The following ZC3H12B variants were observed in gnomAD, a reference collection of about 807,000 sequenced individuals.
ZC3H12B encodes probable ribonuclease ZC3H12B.
Under a neutral mutation model 43.9 loss-of-function variants are expected in ZC3H12B, and 7 were observed. That is an observed-to-expected ratio of 0.16 (90% CI 0.09 to 0.30). The LOEUF (loss-of-function observed/expected upper bound fraction) is 0.30. ZC3H12B is among the 10% of genes least tolerant of loss of function. ZC3H12B has a pLI of 1.00. For synonymous variants in ZC3H12B, 222 were observed against 241.7 expected (o/e 0.92, Z 0.76); for missense variants, 475 against 670.2 (o/e 0.71, Z 3.22).
At chrX:65,489,296 T>C (rs763223885) in exon 1 of ZC3H12B, 54 of 1,209,721 alleles carry the variant, frequency 4.5e-5, no homozygotes, top group Non-Finnish European at 5.6e-5. Context: ...TGTTAGTGCC[T>C]CGTGGGCCCA....
the ZC3H12B span, among the ~76,000 whole-genome samples, chrX:65,057,564 G>T: frequency 1.8e-5 from 2 of 110,928 alleles, no homozygotes; most frequent in Non-Finnish European, 3.8e-5. Context: ...ATCTGTCTTG[G>T]AGTTGCTCTT....
chrX:65,396,041 T>C (rs1408645308), intron 2 of ZC3H12B, among the ~76,000 whole-genome samples: 2 of 111,769 alleles, frequency 1.8e-5, no homozygotes, highest in Non-Finnish European at 3.8e-5. Flanking sequence ...ATATCCCCTT[T>C]ATCATTTTTA....
At chrX:65,468,650 AT>A (rs60716703) in intron 3 of ZC3H12B, among the ~76,000 whole-genome samples, 1,541 of 74,845 alleles carry the variant, frequency 0.021, 36 homozygotes, top group Admixed American at 0.085. Context: ...TGCCCGGCTA[AT>A]TTTTTTTTTT....
At chrX:65,353,781 G>A in the ZC3H12B span, among the ~76,000 whole-genome samples, 1 of 111,473 alleles carries the variant, frequency 9.0e-6, no homozygotes, top group Non-Finnish European at 1.9e-5. Context: ...GGTGTGGGGA[G>A]GGGTGTCCAC....
chrX:65,342,149 A>G, the ZC3H12B span, among the ~76,000 whole-genome samples: 1 of 112,009 alleles, frequency 8.9e-6, no homozygotes, highest in South Asian at 3.7e-4. Context: ...TAAACCAACA[A>G]AGATCAAAAA....
intron 2 of ZC3H12B, among the ~76,000 whole-genome samples, chrX:65,394,772 G>C (rs1196755530): frequency 8.9e-6 from 1 of 111,820 alleles, no homozygotes; most frequent in Non-Finnish European, 1.9e-5. Context: ...AAATAGAATT[G>C]AATCTATAAA....
At chrX:65,141,568 T>C in the ZC3H12B span, among the ~76,000 whole-genome samples, 1 of 109,678 alleles carries the variant, frequency 9.1e-6, no homozygotes, top group Non-Finnish European at 1.9e-5. Flanking sequence ...TGGTGTTTGG[T>C]TTCATGAGTA....
chrX:65,439,221 CA>C (rs1048992072), intron 3 of ZC3H12B, among the ~76,000 whole-genome samples: 1 of 112,081 alleles, frequency 8.9e-6, no homozygotes, highest in Non-Finnish European at 1.9e-5. Flanking sequence ...TTTAATTTTA[CA>C]TCCTTATGTT....
the ZC3H12B span, among the ~76,000 whole-genome samples, chrX:65,134,386 C>G: frequency 1.8e-5 from 2 of 111,638 alleles, no homozygotes; most frequent in Non-Finnish European, 3.8e-5. Flanking sequence ...CAACAGAACA[C>G]TGTCTTCCCT....
chrX:65,127,741 G>T, the ZC3H12B span, among the ~76,000 whole-genome samples: 2 of 110,889 alleles, frequency 1.8e-5, no homozygotes, highest in African/African-American at 6.6e-5. Context: ...ATCCACTGAA[G>T]TTATATTCCC....
chrX:65,473,181 T>G (rs2067950326), intron 3 of ZC3H12B, among the ~76,000 whole-genome samples: 1 of 105,656 alleles, frequency 9.5e-6, no homozygotes, highest in Admixed American at 1.0e-4. Flanking sequence ...ACCCAGCTAA[T>G]TTTTTTGTAT....
chrX:65,389,487 G>T (rs994213523), intron 2 of ZC3H12B, among the ~76,000 whole-genome samples: 5 of 112,482 alleles, frequency 4.4e-5, no homozygotes, highest in African/African-American at 1.3e-4. Flanking sequence ...CATTGGAAAA[G>T]CACAGTATTA....
At chrX:65,235,473 A>T in the ZC3H12B span, among the ~76,000 whole-genome samples, 1 of 111,231 alleles carries the variant, frequency 9.0e-6, no homozygotes, top group Non-Finnish European at 1.9e-5. Flanking sequence ...GTGCAATTTC[A>T]CCAGCTGGAA....
chrX:65,400,580 A>G (rs2066751122), intron 3 of ZC3H12B, among the ~76,000 whole-genome samples: 1 of 112,080 alleles, frequency 8.9e-6, no homozygotes, highest in Non-Finnish European at 1.9e-5. Context: ...TCAAAGTGTT[A>G]TAATTATTTC....
chrX:65,302,294 T>C, the ZC3H12B span, among the ~76,000 whole-genome samples: 1 of 111,630 alleles, frequency 9.0e-6, no homozygotes, highest in African/African-American at 3.2e-5. Context: ...AAAAAACTTT[T>C]GAACTAAAAA....
chrX:65,463,121 G>A (rs1464256279), intron 3 of ZC3H12B, among the ~76,000 whole-genome samples: 1 of 111,843 alleles, frequency 8.9e-6, no homozygotes, highest in South Asian at 3.8e-4. Flanking sequence ...TACTAGAAGA[G>A]GGAGGAAGAA....
At chrX:65,188,587 A>G in the ZC3H12B span, among the ~76,000 whole-genome samples, 2 of 110,459 alleles carry the variant, frequency 1.8e-5, no homozygotes, top group Non-Finnish European at 3.8e-5. Flanking sequence ...GCACCTTTTC[A>G]TATGCCTGTT....
At chrX:65,097,515 T>G in the ZC3H12B span, among the ~76,000 whole-genome samples, 3 of 112,024 alleles carry the variant, frequency 2.7e-5, 1 homozygote, top group South Asian at 1.1e-3. Context: ...TCTCTTCTAC[T>G]TTCAAAGTCC....
intron 2 of ZC3H12B, among the ~76,000 whole-genome samples, chrX:65,378,861 A>T (rs1380224521): frequency 8.9e-6 from 1 of 112,364 alleles, no homozygotes; most frequent in Non-Finnish European, 1.9e-5. Flanking sequence ...GCACCTGGAA[A>T]ATCGGGTCAC....
Sources: gnomAD v4.1 joint callset for allele counts (sites outside exome capture counted in the v4.1 genomes callset) on GRCh38, gnomAD v4.1.1 for gene constraint, MANE v1.5 for transcripts, NCBI Gene and HGNC (gene_info 2026-07-23, HGNC 2026-07-21) for gene names.